Variants in EPB41L2 observed in about 807,000 individuals in gnomAD.
EPB41L2 encodes the protein band 4.1-like protein 2.
EPB41L2 carries 43 observed loss-of-function variants against 113.0 expected under a neutral mutation model. The ratio of observed to expected loss-of-function variants is 0.38; its 90% CI spans 0.30 to 0.49. The LOEUF (loss-of-function observed/expected upper bound fraction) is 0.49. EPB41L2 is among the 20% of genes least tolerant of loss of function. The pLI is 0.95. For synonymous variants in EPB41L2, 442 were observed against 436.7 expected (o/e 1.01, Z -0.15); for missense variants, 1,147 against 1,223.4 (o/e 0.94, Z 0.93).
chr6:130,939,216 A>G (rs1217782454), intron 3 of EPB41L2, among the ~76,000 whole-genome samples: 1 of 152,262 alleles, frequency 6.6e-6, no homozygotes, highest in Non-Finnish European at 1.5e-5. Flanking sequence ...AACCAAGTGA[A>G]TAACAAATGA....
At chr6:130,848,149 T>C (rs1228299209) in intron 19 of EPB41L2, among the ~76,000 whole-genome samples, 1 of 151,356 alleles carries the variant, frequency 6.6e-6, no homozygotes, top group Non-Finnish European at 1.5e-5. Context: ...TAAAACACTA[T>C]TCCCTGCCCC....
intron 18 of EPB41L2, 76 bp downstream of exon 18, chr6:130,863,561 GT>G (rs1484189731): frequency 3.0e-6 from 3 of 1,016,138 alleles, no homozygotes; most frequent in Non-Finnish European, 4.6e-6. Flanking sequence ...GTTTACACAG[GT>G]ATGCGACATG....
chr6:130,891,597 C>T (rs1413248659), intron 10 of EPB41L2, among the ~76,000 whole-genome samples: 2 of 152,064 alleles, frequency 1.3e-5, no homozygotes, highest in Non-Finnish European at 2.9e-5. Flanking sequence ...TACAAAGGTA[C>T]ATGCCACCAT....
chr6:130,925,065 T>C (rs1158856612), intron 4 of EPB41L2, among the ~76,000 whole-genome samples: 1 of 152,106 alleles, frequency 6.6e-6, no homozygotes, highest in Non-Finnish European at 1.5e-5. Flanking sequence ...CAGTGAAAGC[T>C]GAATTGACAT....
At chr6:130,876,700 C>T in intron 14 of EPB41L2, 1 of 1,304,082 alleles carries the variant, frequency 7.7e-7, no homozygotes, top group Non-Finnish European at 1.0e-6. Context: ...GCTTTTTCTT[C>T]AACTGTCCAT....
Position 130,895,088 on chromosome 6 carries a change from A to T in EPB41L2, c.1268T>A (p.Val423Glu). ...GTAAATGAGAAGTCCATTAGCACAC[A>T]CGCCCAGCTTGATGTCCACACCTTC... Reference protein sequence around the residue: ...DSEGVDIKLGVCANGLLIYKD... With the variant: ...DSEGVDIKLGECANGLLIYKD... The change falls in exon 9 of 20, where the codon GTG becomes GAG. Residue 423 changes from valine to glutamate, a missense_variant. Coordinates refer to ENST00000337057, the MANE Select transcript of EPB41L2 (RefSeq NM_001431.4). The T allele has an allele frequency of 1.2e-6, 2 of 1,612,614 alleles. No individual in the cohort carries two copies. The highest frequency in any genetic ancestry group is 1.7e-6 in the Non-Finnish European group (2 of 1,179,118).
At chr6:130,921,377 A>G (rs77704223) in intron 4 of EPB41L2, among the ~76,000 whole-genome samples, 290 of 152,206 alleles carry the variant, frequency 1.9e-3, no homozygotes, top group African/African-American at 6.4e-3. Flanking sequence ...ACTCCCCACA[A>G]AGTCATCCCA....
intron 1 of EPB41L2, among the ~76,000 whole-genome samples, chr6:130,959,801 C>A (rs1818724144): frequency 6.6e-6 from 1 of 152,132 alleles, no homozygotes; most frequent in African/African-American, 2.4e-5. Flanking sequence ...GAATAAATGT[C>A]CTGGTAAAAT....
At chr6:130,937,244 A>G (rs1809119230) in intron 3 of EPB41L2, among the ~76,000 whole-genome samples, 1 of 152,220 alleles carries the variant, frequency 6.6e-6, no homozygotes, top group African/African-American at 2.4e-5. Flanking sequence ...GTATTATAGC[A>G]TCATACAGAG....
intron 1 of EPB41L2, among the ~76,000 whole-genome samples, chr6:131,055,900 G>A (rs981573999): frequency 5.3e-5 from 8 of 152,048 alleles, no homozygotes; most frequent in African/African-American, 1.7e-4. Context: ...GGCCTTACAG[G>A]ATTACTTACA....
intron 1 of EPB41L2, among the ~76,000 whole-genome samples, chr6:131,003,757 C>T (rs1248842455): frequency 6.6e-6 from 1 of 152,196 alleles, no homozygotes; most frequent in Non-Finnish European, 1.5e-5. Flanking sequence ...AACAAAATCT[C>T]CCAGTAGTAC....
chr6:131,053,286 A>G (rs1325043046), intron 1 of EPB41L2, among the ~76,000 whole-genome samples: 1 of 152,076 alleles, frequency 6.6e-6, no homozygotes, highest in East Asian at 1.9e-4. Context: ...TTTAGAGACA[A>G]AACACCAGAA....
chr6:130,894,591 G>A lies in EPB41L2; in HGVS notation c.1390-150C>T, dbSNP rs909509117. On this transcript the variant is annotated intron_variant, in intron 9 of 19. Coordinates refer to ENST00000337057, the MANE Select transcript of EPB41L2 (RefSeq NM_001431.4). ...ATATCTAATATAATCATATAAAGAT[G>A]AATTTCATAGACTGCAATACTATTT... 4 of 675,190 alleles carry A rather than the reference G, an allele frequency of 5.9e-6. No individual in the cohort carries two copies. In the East Asian group the frequency reaches 8.4e-5, roughly 14 times the overall value. The allele number at this position is 675,190 out of a possible 1,614,324, so 41.8% of individuals were successfully genotyped here.
At chr6:130,861,874 C>CA (rs558987011) in intron 18 of EPB41L2, among the ~76,000 whole-genome samples, 2,831 of 120,520 alleles carry the variant, frequency 0.023, 72 homozygotes, top group African/African-American at 0.067. Context: ...TCCATCTCCC[C>CA]AAAAAAAAAA....
At chr6:130,999,422 T>G (rs1783853171) in intron 1 of EPB41L2, among the ~76,000 whole-genome samples, 1 of 152,236 alleles carries the variant, frequency 6.6e-6, no homozygotes, top group African/African-American at 2.4e-5. Flanking sequence ...TACTTTTCTA[T>G]TATCCAAGAT....
At chr6:131,038,256 T>C (rs1464664199) in intron 1 of EPB41L2, among the ~76,000 whole-genome samples, 2 of 152,200 alleles carry the variant, frequency 1.3e-5, no homozygotes, top group East Asian at 1.9e-4. Context: ...ACTACTTCTC[T>C]AAAAATATAT....
intron 3 of EPB41L2, among the ~76,000 whole-genome samples, chr6:130,951,165 G>A (rs1814793139): frequency 7.4e-6 from 1 of 135,308 alleles, no homozygotes; most frequent in Non-Finnish European, 1.5e-5. Context: ...GCTGAGGCAG[G>A]AAAATTGCTT....
chr6:130,945,327 G>C (rs927059920), intron 3 of EPB41L2, among the ~76,000 whole-genome samples: 1 of 152,064 alleles, frequency 6.6e-6, no homozygotes, highest in Non-Finnish European at 1.5e-5. Flanking sequence ...TCCGAGACCC[G>C]AACTCAACAC....
chr6:130,953,567 AATG>A (rs1816040745), intron 3 of EPB41L2, among the ~76,000 whole-genome samples: 1 of 152,070 alleles, frequency 6.6e-6, no homozygotes, highest in East Asian at 1.9e-4. Context: ...ACTTAATTTA[AATG>A]ATGAGTTAAT....
Sources: gnomAD v4.1 joint callset for allele counts (sites outside exome capture counted in the v4.1 genomes callset) on GRCh38, gnomAD v4.1.1 for gene constraint, MANE v1.5 for transcripts, NCBI Gene and HGNC (gene_info 2026-07-23, HGNC 2026-07-21) for gene names.